The following AATK variants were observed in gnomAD, a reference collection of about 807,000 sequenced individuals.
AATK encodes serine/threonine-protein kinase LMTK1.
A neutral mutation model predicts 114.3 loss-of-function variants in AATK; 91 were observed. The observed-to-expected ratio is 0.80, with a 90% confidence interval of 0.67 to 0.95. AATK has a LOEUF of 0.95. Among genes scored for constraint, AATK ranks in the 40% least tolerant of loss-of-function variants. The pLI is 0.00. For missense variants in AATK, 2,176 were observed against 1,965.2 expected (o/e 1.11, Z -2.03); for synonymous variants, 1,075 against 916.5 (o/e 1.17, Z -3.12).
intron 1 of AATK, among the ~76,000 whole-genome samples, chr17:81,139,071 C>T (rs1223625975): frequency 6.6e-6 from 1 of 152,200 alleles, no homozygotes; most frequent in East Asian, 1.9e-4. Flanking sequence ...AACATGCACA[C>T]ACATGAATGC....
rs1158459091 is a variant in AATK at position 81,134,368 on chromosome 17, C to G, written c.189G>C (p.Lys63Asn). Residue 63 changes from lysine (K) to asparagine (N), a missense_variant and splice_region_variant, in exon 2 of 14, where the codon AAG becomes AAC. By Grantham distance (94) the Lys-to-Asn change is moderately conservative (BLOSUM62 0). Transcript: ENST00000326724. ...LCCKKGGIGF[K>N]EFENAEGDEY... ...AGCTCCCGCGGCCCCCAGGCCTCACCTTGAACCCGATACCGCCCTTCTTAC... is the reference window on the plus strand; with the variant it reads ...AGCTCCCGCGGCCCCCAGGCCTCACGTTGAACCCGATACCGCCCTTCTTAC... The G allele has an allele frequency of 1.2e-6, 2 of 1,612,954 alleles. No individual in the cohort carries two copies. The highest frequency in any genetic ancestry group is 1.7e-6 in the Non-Finnish European group (2 of 1,179,774).
intron 1 of AATK, among the ~76,000 whole-genome samples, chr17:81,144,522 A>AG (rs764115604): frequency 1.4e-4 from 22 of 152,206 alleles, no homozygotes; most frequent in Non-Finnish European, 3.2e-4. Context: ...TGGAGGGGCA[A>AG]GGGGGCCGGG....
rs1427981527 is a variant in AATK, at chr17:81,118,209, G to C, written c.*193C>G. ...CCAGACGAATTCTGCCTCTGGGGCG[G>C]AGCATGGCCGATCTACCATCCAGGG... On this transcript the variant is annotated 3_prime_UTR_variant, in exon 14 of 14. Coordinates refer to ENST00000326724, the MANE Select transcript of AATK (RefSeq NM_001080395.3). The C allele has an allele frequency of 3.6e-5, 22 of 604,472 alleles. No individual in the cohort carries two copies. The highest frequency in any genetic ancestry group is 6.4e-5 in the Non-Finnish European group (22 of 343,614). The allele number at this position is 604,472 out of a possible 1,614,324, so 37.4% of individuals were successfully genotyped here.
chr17:81,124,650 C>T (rs973086830), intron 9 of AATK, 77 bp downstream of exon 9: 11 of 1,579,702 alleles, frequency 7.0e-6, no homozygotes, highest in Non-Finnish European at 9.5e-6. Flanking sequence ...CCTCACTACT[C>T]ATGGCCATGA....
rs1199915042 is a variant in AATK, at chr17:81,121,763, C to T, written c.2173G>A (p.Gly725Arg). 2 of 1,527,044 alleles carry T rather than the reference C, an allele frequency of 1.3e-6. No individual in the cohort carries two copies. The highest frequency in any genetic ancestry group is 2.4e-5 in the East Asian group (1 of 42,226). 94.6% of individuals were successfully genotyped at this position (1,527,044 alleles called of 1,614,324 possible). The change falls in exon 11 of 14, where the codon GGA becomes AGA. Residue 725 changes from glycine to arginine, a missense_variant. Gly to Arg is a moderately radical substitution (Grantham distance 125). Around this residue, in one of 4 missense-constraint regions of AATK, gnomAD observed 1,701 missense variants for 1,394.7 expected, o/e 1.22. Coordinates refer to ENST00000326724, the MANE Select transcript of AATK (RefSeq NM_001080395.3). Reference sequence around the variant, plus strand: ...GCCTGGAGCCCAAGCAGAGGCTCTCCAGGGTACCCCGGCTCGGGGGAGGCC... The same window carrying T: ...GCCTGGAGCCCAAGCAGAGGCTCTCTAGGGTACCCCGGCTCGGGGGAGGCC... ...PRASPEPGYP[G>R]EPLLGLQAAS...
At chr17:81,147,360 CAAA>C (rs59460030) in intron 1 of AATK, among the ~76,000 whole-genome samples, 16 of 54,930 alleles carry the variant, frequency 2.9e-4, no homozygotes, top group Non-Finnish European at 5.9e-4. Flanking sequence ...GACTCCATCT[CAAA>C]AAAAAAAAAA....
chr17:81,153,184 CCT>C (rs1271843321), intron 1 of AATK, among the ~76,000 whole-genome samples: 1 of 152,132 alleles, frequency 6.6e-6, no homozygotes, highest in Non-Finnish European at 1.5e-5. Context: ...AATTCATGCC[CCT>C]GTTGGATTAG....
At chr17:81,133,824 C>G (rs1331677318) in intron 2 of AATK, among the ~76,000 whole-genome samples, 1 of 152,158 alleles carries the variant, frequency 6.6e-6, no homozygotes, top group African/African-American at 2.4e-5. Flanking sequence ...CCCTAACCAG[C>G]AGGCTGGGCT....
chr17:81,127,125 G>A, intron 6 of AATK, among the ~76,000 whole-genome samples: 1 of 148,644 alleles, frequency 6.7e-6, no homozygotes, highest in South Asian at 2.2e-4. Flanking sequence ...CAGGTCTCAG[G>A]GGGAGGGGGG....
At position 81,118,457 on chromosome 17, in the gene AATK, A is replaced by G. The variant is rs1352417400; in HGVS notation, c.4085-15T>C. The stretch of plus-strand genomic sequence containing the variant: ...AGCTTCAGGTCCTGGCAAGCAGGAC[A>G]ACAAAGTGAACACAGGGTTCTGAGA... On this transcript the variant is annotated splice_polypyrimidine_tract_variant and intron_variant, in intron 13 of 13. Coordinates refer to ENST00000326724, the MANE Select transcript of AATK (RefSeq NM_001080395.3). The G allele has an allele frequency of 1.2e-6, 2 of 1,604,428 alleles. No homozygotes were observed. Among genetic ancestry groups the G allele is most frequent in the East Asian group, 2.3e-5 (1 of 44,394 alleles).
At chr17:81,158,322 A>G (rs1598223560) in intron 1 of AATK, among the ~76,000 whole-genome samples, 1 of 152,192 alleles carries the variant, frequency 6.6e-6, no homozygotes, top group South Asian at 2.1e-4. Flanking sequence ...TTTCAGGGAC[A>G]CCTGCCTCTG....
rs759891280 is a variant in AATK at position 81,121,911 on chromosome 17, G to A, written c.2025C>T (p.Arg675=). ...EEVGARRAAQ[R]GHWRSNVSAN... is the part of the protein sequence containing the mutation. ...CTGACACGTTGGAGCGCCAGTGCCC[G>A]CGCTGGGCGGCCCTCCGCGCTCCCA... The change falls in exon 11 of 14, where the codon CGC becomes CGT. Residue 675 remains arginine, a synonymous_variant. Transcript: ENST00000326724. The A allele has an allele frequency of 1.0e-5, 16 of 1,600,452 alleles. No homozygotes were observed. The highest frequency in any genetic ancestry group is 6.7e-5 in the East Asian group (3 of 44,854).
intron 3 of AATK, chr17:81,128,949 C>T (rs2060889526): frequency 3.7e-6 from 4 of 1,079,608 alleles, no homozygotes; most frequent in Non-Finnish European, 4.5e-6. Context: ...CCCACCCTGC[C>T]GCAGGCTGGC....
chr17:81,150,874 G>A (rs1208790353), intron 1 of AATK, among the ~76,000 whole-genome samples: 1 of 152,186 alleles, frequency 6.6e-6, no homozygotes, highest in African/African-American at 2.4e-5. Flanking sequence ...AGGAACTGGC[G>A]CAACCCTGGC....
rs8082016 is a variant in AATK, at chr17:81,119,475, G to A, written c.3989C>T (p.Thr1330Met). 0.041 allele frequency: 62,385 copies of A among 1,516,144 alleles called. 1,948 individuals carry two copies. The highest frequency in any genetic ancestry group is 0.16 in the African/African-American group (11,149 of 68,694). The allele number at this position is 1,516,144 out of a possible 1,614,324, so 93.9% of individuals were successfully genotyped here. A position where few individuals can be genotyped will look rare whatever the true frequency, so the allele number is the denominator to read the frequency against. The change falls in exon 13 of 14, where the codon ACG (threonine) becomes ATG (methionine). Residue 1330 changes from threonine to methionine, a missense_variant. Thr to Met is a moderately conservative substitution (Grantham distance 81, BLOSUM62 -1). This residue lies in a region of AATK where 1,701 missense variants were observed against 1,394.7 expected (regional missense o/e 1.22). Transcript: ENST00000326724. ...CGTGAAGCGCGAGAAGGGAGCGGGCGTGGGCGTGGGCGCAGCCGGGGCGGG... is the reference window on the plus strand; with the variant it reads ...CGTGAAGCGCGAGAAGGGAGCGGGCATGGGCGTGGGCGCAGCCGGGGCGGG... ...AAPAPAAPTP[T>M]PAPFSRFTVS...
In AATK at chr17:81,120,252, C is replaced by T; in HGVS notation, c.3684G>A (p.Lys1228=). The T allele has an allele frequency of 6.3e-7, 1 of 1,597,200 alleles. No individual in the cohort carries two copies. The highest frequency in any genetic ancestry group is 1.1e-5 in the South Asian group (1 of 90,806). The change falls in exon 11 of 14, where the codon AAG becomes AAA. Residue 1228 remains lysine, a synonymous_variant. Transcript: ENST00000326724. The part of the protein sequence containing the change: ...SETFCEDLER[K]KKAVSFFDDV... ...CGTCGAAGAAGGACACGGCCTTCTT[C>T]TTGCGTTCCAGGTCCTCGCAGAAGG...
chr17:81,148,889 G>A (rs1458317728), intron 1 of AATK, among the ~76,000 whole-genome samples: 1 of 144,474 alleles, frequency 6.9e-6, no homozygotes, highest in Non-Finnish European at 1.5e-5. Flanking sequence ...TGTCCAAGGA[G>A]CAGATGACCC....
chr17:81,157,611 C>T (rs2061382392), intron 1 of AATK, among the ~76,000 whole-genome samples: 1 of 152,230 alleles, frequency 6.6e-6, no homozygotes, highest in South Asian at 2.1e-4. Flanking sequence ...GAAGTGAGTT[C>T]CACCAGCTGG....
chr17:81,157,189 G>A lies in AATK; in HGVS notation c.55+8749C>T, dbSNP rs147803964. 4.6e-5 allele frequency among the ~76,000 whole-genome samples: 7 copies of A among 152,342 alleles called. No homozygotes were observed. In the East Asian group the frequency reaches 7.7e-4, roughly 17 times the overall value. On this transcript the variant is annotated intron_variant, in intron 1 of 13. Transcript: ENST00000326724. Reference sequence around the variant, plus strand: ...AAGAGAGGGGAGCCCGAATGTCCACGGATAAGGAGGATGCAGGCCAGCCAC... The same window carrying A: ...AAGAGAGGGGAGCCCGAATGTCCACAGATAAGGAGGATGCAGGCCAGCCAC...
Sources: allele counts gnomAD v4.1 joint callset (sites outside exome capture counted in the v4.1 genomes callset), GRCh38; gene constraint gnomAD v4.1.1; regional missense constraint gnomAD v4.1.1; transcripts MANE v1.5; gene names NCBI Gene and HGNC (gene_info 2026-07-23, HGNC 2026-07-21).